CTNNA3: variants seen among roughly 807,000 people sequenced by gnomAD.
CTNNA3 encodes catenin alpha-3.
CTNNA3 carries 76 observed loss-of-function variants against 95.7 expected under a neutral mutation model. The ratio of observed to expected loss-of-function variants is 0.79; its 90% CI spans 0.66 to 0.96. CTNNA3 has a LOEUF of 0.96. Ranked by LOEUF, CTNNA3 falls within the 40% of genes least tolerant of loss-of-function variation. The probability of loss-of-function intolerance (pLI) is 0.00; values close to 1 mark genes in which losing one functional copy is unlikely to be tolerated. For synonymous variants in CTNNA3, 431 were observed against 374.4 expected, an observed-to-expected ratio of 1.15 and a Z score of -1.74; for missense variants, 1,191 against 1,089.8, an observed-to-expected ratio of 1.09 and a Z score of -1.31.
chr10:66,548,546 A>T (rs1186088794), intron 10 of CTNNA3, among the ~76,000 whole-genome samples: 1 of 152,042 alleles, frequency 6.6e-6, no homozygotes, highest in East Asian at 1.9e-4. Flanking sequence ...TTATTCCATT[A>T]GATGTTATAG....
intron 3 of CTNNA3, among the ~76,000 whole-genome samples, chr10:67,585,268 A>G (rs1198801081): frequency 2.0e-5 from 3 of 152,196 alleles, no homozygotes; most frequent in African/African-American, 7.2e-5. Context: ...GGATTTTTGC[A>G]TCTCTGTTCA....
intron 13 of CTNNA3, among the ~76,000 whole-genome samples, chr10:66,251,748 T>C (rs961231587): frequency 6.6e-6 from 1 of 152,210 alleles, no homozygotes; most frequent in Non-Finnish European, 1.5e-5. Context: ...GCTCAGAAAT[T>C]AGAAATATCA....
intron 7 of CTNNA3, among the ~76,000 whole-genome samples, chr10:66,980,535 GAA>G (rs1850362865): frequency 7.2e-6 from 1 of 138,194 alleles, no homozygotes; most frequent in African/African-American, 2.8e-5. Context: ...AATCAGAATT[GAA>G]CAGGAACCAA....
intron 11 of CTNNA3, among the ~76,000 whole-genome samples, chr10:66,449,605 ATGATTTTT>A (rs2093448967): frequency 6.6e-6 from 1 of 152,122 alleles, no homozygotes; most frequent in African/African-American, 2.4e-5. Flanking sequence ...AGGAAAGGCT[ATGATTTTT>A]TGCCTTCTAT....
intron 5 of CTNNA3, among the ~76,000 whole-genome samples, chr10:67,432,349 C>T (rs1269721795): frequency 1.3e-5 from 2 of 152,008 alleles, no homozygotes; most frequent in African/African-American, 2.4e-5. Context: ...TTTCCTGAGG[C>T]TGCTTAAACA....
chr10:67,137,614 A>G (rs1174245515), intron 7 of CTNNA3, among the ~76,000 whole-genome samples: 1 of 152,206 alleles, frequency 6.6e-6, no homozygotes, highest in Non-Finnish European at 1.5e-5. Flanking sequence ...CTCACAACCA[A>G]TTTTGAAGAC....
chr10:66,668,976 T>A (rs1021608820), intron 9 of CTNNA3, among the ~76,000 whole-genome samples: 1 of 152,098 alleles, frequency 6.6e-6, no homozygotes, highest in African/African-American at 2.4e-5. Context: ...GTGTGCTATT[T>A]GATGGTGGTA....
At chr10:66,244,591 A>ATC (rs71474034) in intron 13 of CTNNA3, among the ~76,000 whole-genome samples, 122,704 of 151,956 alleles carry the variant, frequency 0.81, 49,881 homozygotes, top group South Asian at 0.94. Context: ...GAGAAAAACA[A>ATC]TCTGCCTGGT....
intron 11 of CTNNA3, among the ~76,000 whole-genome samples, chr10:66,413,356 G>A (rs1424895298): frequency 1.4e-5 from 2 of 146,008 alleles, no homozygotes; most frequent in Non-Finnish European, 3.0e-5. Context: ...TCACATTCAA[G>A]TTTAAAAAGC....
At chr10:66,514,756 C>G (rs186679758) in intron 11 of CTNNA3, among the ~76,000 whole-genome samples, 3 of 151,876 alleles carry the variant, frequency 2.0e-5, no homozygotes, top group Non-Finnish European at 4.4e-5. Flanking sequence ...TTTTACAAAC[C>G]CTTATATTTA....
chr10:67,698,125 G>A (rs777873870), upstream of CTNNA3, among the ~76,000 whole-genome samples: 36 of 151,966 alleles, frequency 2.4e-4, no homozygotes, highest in Admixed American at 7.9e-4. Flanking sequence ...GTCTTGTTCA[G>A]TATTTATTCT....
At chr10:67,575,418 C>T (rs1842110575) in intron 3 of CTNNA3, among the ~76,000 whole-genome samples, 1 of 152,020 alleles carries the variant, frequency 6.6e-6, no homozygotes, top group Non-Finnish European at 1.5e-5. Context: ...TTCCCTCTTT[C>T]TTGCCATAAA....
At chr10:67,739,808 T>C (rs1198197837) in intron 1 of CTNNA3, among the ~76,000 whole-genome samples, 5 of 152,286 alleles carry the variant, frequency 3.3e-5, no homozygotes, top group Admixed American at 6.5e-5. Context: ...AAAAAACTAC[T>C]TTAAAGTTCA....
Position 67,253,318 on chromosome 10 carries a change from A to G in CTNNA3, c.580-33448T>C, listed in dbSNP as rs77754788. 3.7e-3 allele frequency among the ~76,000 whole-genome samples: 559 copies of G among 152,332 alleles called. 4 individuals carry two copies. Among genetic ancestry groups the G allele is most frequent in the African/African-American group, 0.013 (534 of 41,578 alleles). On this transcript the variant is annotated intron_variant, in intron 5 of 17. Transcript: ENST00000433211. ...AGATTTCAAAATGTTATGCAGAACA[A>G]TGTTTAATTCAAAACTCACAAATTA...
chr10:65,990,770 AT>A (rs1325741371), intron 15 of CTNNA3, among the ~76,000 whole-genome samples: 23 of 151,924 alleles, frequency 1.5e-4, no homozygotes, highest in Admixed American at 1.5e-3. Flanking sequence ...TTTTAGTTTA[AT>A]ATAGTCCCAT....
chr10:66,493,866 A>AAGTGCTGG (rs1329672460), intron 11 of CTNNA3, among the ~76,000 whole-genome samples: 2 of 148,946 alleles, frequency 1.3e-5, no homozygotes, highest in East Asian at 4.0e-4. Context: ...CAGCCTCCCA[A>AAGTGCTGG]AGTGCTGGGA....
chr10:66,880,726 T>A (rs1168850925), intron 7 of CTNNA3, among the ~76,000 whole-genome samples: 1 of 152,124 alleles, frequency 6.6e-6, no homozygotes, highest in Non-Finnish European at 1.5e-5. Flanking sequence ...GTGGGTTTTT[T>A]AATCATAATA....
intron 14 of CTNNA3, among the ~76,000 whole-genome samples, chr10:66,070,701 T>A (rs947616388): frequency 2.6e-5 from 4 of 152,144 alleles, no homozygotes; most frequent in Admixed American, 2.0e-4. Flanking sequence ...TTGAGGAAGT[T>A]ACCTAACCCT....
intron 7 of CTNNA3, among the ~76,000 whole-genome samples, chr10:66,875,955 C>CACCACAGCCA (rs1166722208): frequency 5.9e-5 from 9 of 152,086 alleles, no homozygotes; most frequent in Non-Finnish European, 1.3e-4. Flanking sequence ...GTGTGTGGCT[C>CACCACAGCCA]ATTGGCTGAC....
Sources: allele counts gnomAD v4.1 joint callset (sites outside exome capture counted in the v4.1 genomes callset), GRCh38; gene constraint gnomAD v4.1.1; transcripts MANE v1.5; gene names NCBI Gene and HGNC (gene_info 2026-07-23, HGNC 2026-07-21).